XNDC1N: variants seen among roughly 807,000 people sequenced by gnomAD.
XNDC1N encodes the protein protein XNDC1N.
the XNDC1N span, among the ~76,000 whole-genome samples, chr11:71,898,521 C>T: frequency 4.6e-5 from 7 of 152,160 alleles, no homozygotes; most frequent in Non-Finnish European, 4.4e-5. Flanking sequence ...ACACAAGAAT[C>T]GCTTGAACCC....
the XNDC1N span, among the ~76,000 whole-genome samples, chr11:71,922,908 T>C: frequency 6.6e-6 from 1 of 152,124 alleles, no homozygotes; most frequent in Non-Finnish European, 1.5e-5. Context: ...GTAGAACTTT[T>C]AGGAAGGAGG....
the XNDC1N span, among the ~76,000 whole-genome samples, chr11:71,905,396 C>A: frequency 5.9e-4 from 90 of 151,842 alleles, no homozygotes; most frequent in East Asian, 0.017. Flanking sequence ...AGGGTGTACA[C>A]CCCTGTGACT....
chr11:71,872,517 A>T, the XNDC1N span, among the ~76,000 whole-genome samples: 3 of 151,752 alleles, frequency 2.0e-5, no homozygotes, highest in African/African-American at 7.3e-5. Flanking sequence ...AGATCAGGAG[A>T]TCGAGACCAT....
At chr11:71,910,932 C>A in the XNDC1N span, among the ~76,000 whole-genome samples, 1 of 152,232 alleles carries the variant, frequency 6.6e-6, no homozygotes, top group Non-Finnish European at 1.5e-5. Context: ...AAAGGAAAAA[C>A]TTCTGGCATC....
chr11:71,923,656 C>T, the XNDC1N span, among the ~76,000 whole-genome samples: 3 of 151,622 alleles, frequency 2.0e-5, no homozygotes, highest in Non-Finnish European at 2.9e-5. Flanking sequence ...CCCGGGTTCA[C>T]GCCATTCTCC....
the XNDC1N span, among the ~76,000 whole-genome samples, chr11:71,867,913 G>T: frequency 6.6e-6 from 1 of 152,192 alleles, no homozygotes; most frequent in African/African-American, 2.4e-5. Context: ...CTACTGTGTG[G>T]TTATCTAAGT....
chr11:71,893,583 G>T, the XNDC1N span: 2 of 1,019,886 alleles, frequency 2.0e-6, no homozygotes, highest in Admixed American at 1.7e-5. Context: ...ATCTGGTCAT[G>T]GTGCTGAGGA....
chr11:71,916,399 G>T, the XNDC1N span: 1 of 610,202 alleles, frequency 1.6e-6, no homozygotes, highest in East Asian at 2.7e-5. Context: ...TGTCCCCTTA[G>T]GCTTGGGTGT....
the XNDC1N span, among the ~76,000 whole-genome samples, chr11:71,898,111 G>A: frequency 3.9e-5 from 6 of 152,056 alleles, no homozygotes; most frequent in Non-Finnish European, 8.8e-5. Context: ...TGGAACCCAG[G>A]AGGCGGAGGT....
the XNDC1N span, among the ~76,000 whole-genome samples, chr11:71,912,189 C>T: frequency 2.0e-5 from 3 of 152,182 alleles, no homozygotes; most frequent in Non-Finnish European, 4.4e-5. Flanking sequence ...CAAGGTCCAG[C>T]CGTTCCGCCC....
the XNDC1N span, among the ~76,000 whole-genome samples, chr11:71,914,045 A>G: frequency 6.6e-6 from 1 of 152,244 alleles, no homozygotes; most frequent in African/African-American, 2.4e-5. Context: ...GCTCTGATGG[A>G]GATGTACAAG....
At chr11:71,869,467 G>C in the XNDC1N span, among the ~76,000 whole-genome samples, 1 of 152,302 alleles carries the variant, frequency 6.6e-6, no homozygotes, top group East Asian at 1.9e-4. Flanking sequence ...GGGCATTTGG[G>C]TTGGTTCCAA....
chr11:71,884,288 T>A, the XNDC1N span: 1 of 1,200,348 alleles, frequency 8.3e-7, no homozygotes, highest in East Asian at 2.8e-5. Context: ...CTTTTGCTGT[T>A]GTTTTTGTTT....
At chr11:71,884,805 G>A in the XNDC1N span, among the ~76,000 whole-genome samples, 4 of 152,014 alleles carry the variant, frequency 2.6e-5, no homozygotes, top group Admixed American at 1.3e-4. Context: ...TATCCGATGC[G>A]GGGAGTAAGA....
the XNDC1N span, chr11:71,884,442 G>A: frequency 6.2e-7 from 1 of 1,605,600 alleles, no homozygotes; most frequent in Admixed American, 1.7e-5. Flanking sequence ...ATGTCCTTCA[G>A]AATATTATCA....
the XNDC1N span, among the ~76,000 whole-genome samples, chr11:71,912,929 A>T: frequency 6.6e-6 from 1 of 152,230 alleles, no homozygotes; most frequent in South Asian, 2.1e-4. Flanking sequence ...TATTGGGAAC[A>T]ACATCACAAG....
the XNDC1N span, among the ~76,000 whole-genome samples, chr11:71,895,372 C>G: frequency 2.0e-5 from 3 of 151,802 alleles, no homozygotes; most frequent in African/African-American, 7.3e-5. Flanking sequence ...TTCAATGGCA[C>G]GGTCTCGGCT....
chr11:71,921,011 G>A, the XNDC1N span, among the ~76,000 whole-genome samples: 2 of 151,448 alleles, frequency 1.3e-5, no homozygotes, highest in Admixed American at 1.3e-4. Flanking sequence ...TTTTTTTTTA[G>A]AGACAGGGTC....
the XNDC1N span, chr11:71,903,762 G>A: frequency 5.5e-6 from 2 of 360,450 alleles, no homozygotes; most frequent in African/African-American, 2.2e-5. Flanking sequence ...GGAACCTTCT[G>A]TGACACCTTC....
Sources: allele counts gnomAD v4.1 joint callset (sites outside exome capture counted in the v4.1 genomes callset), GRCh38; gene constraint gnomAD v4.1.1; transcripts MANE v1.5; gene names NCBI Gene and HGNC (gene_info 2026-07-23, HGNC 2026-07-21).